The following GALNTL6 variants were observed in gnomAD, a reference collection of about 807,000 sequenced individuals.
GALNTL6 encodes polypeptide N-acetylgalactosaminyltransferase like 6.
Under a neutral mutation model 73.7 loss-of-function variants are expected in GALNTL6, and 46 were observed. That is an observed-to-expected ratio of 0.62 (90% confidence interval 0.49 to 0.80). The LOEUF (loss-of-function observed/expected upper bound fraction) is 0.80, where lower values mean the gene tolerates loss of function less well. Among genes scored for constraint, GALNTL6 ranks in the 30% least tolerant of loss-of-function variants. The pLI is 0.00. For synonymous variants in GALNTL6, 259 were observed against 263.7 expected (o/e 0.98, Z 0.17); for missense variants, 604 against 755.0 (o/e 0.80, Z 2.34).
intron 2 of GALNTL6, among the ~76,000 whole-genome samples, chr4:171,851,860 CAT>C (rs1338237203): frequency 6.6e-6 from 1 of 152,186 alleles, no homozygotes; most frequent in Non-Finnish European, 1.5e-5. Flanking sequence ...CTGCCACAAG[CAT>C]CCCCTTCAAA....
At chr4:172,664,992 A>G (rs1731580656) in intron 5 of GALNTL6, among the ~76,000 whole-genome samples, 1 of 152,182 alleles carries the variant, frequency 6.6e-6, no homozygotes. Context: ...GAAAAGCCTA[A>G]AATCCTTACT....
chr4:172,339,561 T>A (rs1472954565), intron 4 of GALNTL6, among the ~76,000 whole-genome samples: 1 of 151,798 alleles, frequency 6.6e-6, no homozygotes, highest in Non-Finnish European at 1.5e-5. Context: ...TGCCGAAGAG[T>A]GACTGACTCT....
chr4:172,028,619 G>C (rs1452086879), intron 2 of GALNTL6, among the ~76,000 whole-genome samples: 1 of 151,974 alleles, frequency 6.6e-6, no homozygotes, highest in Non-Finnish European at 1.5e-5. Flanking sequence ...TTAATTATCT[G>C]TGTTCTTTTT....
chr4:172,149,419 A>G (rs1024524118), intron 2 of GALNTL6, among the ~76,000 whole-genome samples: 1 of 152,096 alleles, frequency 6.6e-6, no homozygotes, highest in Admixed American at 6.6e-5. Context: ...GCCATGACCT[A>G]TGGGACATAT....
At chr4:172,683,303 A>G (rs1339941927) in intron 5 of GALNTL6, among the ~76,000 whole-genome samples, 1 of 152,192 alleles carries the variant, frequency 6.6e-6, no homozygotes, top group Admixed American at 6.5e-5. Flanking sequence ...CAGATGGCCA[A>G]AGCTGGAGGA....
chr4:172,464,140 A>G (rs1579095807), intron 5 of GALNTL6, among the ~76,000 whole-genome samples: 1 of 152,046 alleles, frequency 6.6e-6, no homozygotes, highest in African/African-American at 2.4e-5. Flanking sequence ...GCCTCAAGCA[A>G]TCCTCCCACC....
chr4:172,477,041 C>T (rs866704794), intron 5 of GALNTL6, among the ~76,000 whole-genome samples: 5 of 150,978 alleles, frequency 3.3e-5, no homozygotes, highest in African/African-American at 1.2e-4. Context: ...TCCCCTGCCT[C>T]AGCCTCCTGA....
intron 5 of GALNTL6, among the ~76,000 whole-genome samples, chr4:172,521,658 A>G (rs976076400): frequency 6.6e-6 from 1 of 152,192 alleles, no homozygotes; most frequent in African/African-American, 2.4e-5. Flanking sequence ...GGTAATAAAG[A>G]ATTCATAAGT....
chr4:172,376,263 A>G (rs1323134856), intron 5 of GALNTL6, among the ~76,000 whole-genome samples: 2 of 152,142 alleles, frequency 1.3e-5, no homozygotes, highest in African/African-American at 4.8e-5. Flanking sequence ...CAGAGAAGAG[A>G]GGTGAGAGGA....
chr4:172,225,388 TGTG>T (rs1736819816), intron 2 of GALNTL6, among the ~76,000 whole-genome samples: 1 of 151,828 alleles, frequency 6.6e-6, no homozygotes, highest in East Asian at 1.9e-4. Flanking sequence ...TTCAGTAGAT[TGTG>T]GTACATTATA....
intron 4 of GALNTL6, among the ~76,000 whole-genome samples, chr4:172,336,689 C>G (rs1317080987): frequency 6.6e-6 from 1 of 152,138 alleles, no homozygotes; most frequent in Non-Finnish European, 1.5e-5. Context: ...GGAATATGTT[C>G]TGCATGCAGA....
At chr4:171,881,027 A>C (rs575620462) in intron 2 of GALNTL6, among the ~76,000 whole-genome samples, 1 of 152,214 alleles carries the variant, frequency 6.6e-6, no homozygotes, top group African/African-American at 2.4e-5. Context: ...CCCACCGAGT[A>C]TGTAAGAATT....
chr4:172,195,286 A>G (rs1431728666), intron 2 of GALNTL6, among the ~76,000 whole-genome samples: 3 of 152,206 alleles, frequency 2.0e-5, no homozygotes, highest in Non-Finnish European at 2.9e-5. Flanking sequence ...CAGATTCATA[A>G]AACAAATTCT....
chr4:172,232,794 A>C (rs967687673), intron 3 of GALNTL6, among the ~76,000 whole-genome samples: 1 of 152,030 alleles, frequency 6.6e-6, no homozygotes. Context: ...TATCTTTTTT[A>C]TGCTATGGGG....
intron 2 of GALNTL6, among the ~76,000 whole-genome samples, chr4:172,138,488 T>C (rs1560938204): frequency 7.7e-3 from 46 of 6,004 alleles, no homozygotes; most frequent in African/African-American, 0.016. Flanking sequence ...TATATATATA[T>C]ATATATATAT....
intron 7 of GALNTL6, among the ~76,000 whole-genome samples, chr4:172,825,129 T>C (rs1030682410): frequency 4.3e-5 from 6 of 140,670 alleles, no homozygotes; most frequent in Non-Finnish European, 9.4e-5. Flanking sequence ...TTTCTTTCTT[T>C]CTTCCTTTCT....
chr4:172,281,709 A>AAAAC (rs560023469), intron 3 of GALNTL6, among the ~76,000 whole-genome samples: 57 of 152,112 alleles, frequency 3.7e-4, no homozygotes, highest in South Asian at 1.0e-3. Context: ...AGACCTTGTC[A>AAAAC]AAACAAACAA....
In GALNTL6 at chr4:172,925,189, TTA is replaced by T. The variant is rs373088335; in HGVS notation, c.1042-5971_1042-5970del. Among the ~76,000 whole-genome samples, 1,008 of 148,834 alleles carry T rather than the reference TTA, an allele frequency of 6.8e-3. 9 individuals carry two copies. The highest frequency in any genetic ancestry group is 0.024 in the African/African-American group (948 of 38,926). On this transcript the variant is annotated intron_variant, in intron 8 of 12. Transcript: ENST00000506823. Reference sequence around the variant, plus strand: ...ACCAGGCTTATGTTTTTTTTTTTTTTTAAAGTGATCATGGGGCCGTAAGAAGG... The same window carrying T: ...ACCAGGCTTATGTTTTTTTTTTTTTTAAGTGATCATGGGGCCGTAAGAAGG...
chr4:172,439,905 G>A (rs1199676818), intron 5 of GALNTL6, among the ~76,000 whole-genome samples: 3 of 151,966 alleles, frequency 2.0e-5, no homozygotes, highest in Admixed American at 6.6e-5. Flanking sequence ...TAAAATTCAC[G>A]AACCTACATT....
Sources: gnomAD v4.1 joint callset for allele counts (sites outside exome capture counted in the v4.1 genomes callset) on GRCh38, gnomAD v4.1.1 for gene constraint, MANE v1.5 for transcripts, NCBI Gene and HGNC (gene_info 2026-07-23, HGNC 2026-07-21) for gene names.